The following GATAD2A variants were observed in gnomAD, a reference collection of about 807,000 sequenced individuals.
GATAD2A encodes GATA zinc finger domain containing 2A.
A neutral mutation model predicts 68.5 loss-of-function variants in GATAD2A; 12 were observed. That is an observed-to-expected ratio of 0.18 (90% CI 0.11 to 0.28). The LOEUF (loss-of-function observed/expected upper bound fraction) is 0.28, where lower values mean the gene tolerates loss of function less well. Ranked by LOEUF, GATAD2A falls within the 10% of genes least tolerant of loss-of-function variation. The probability of loss-of-function intolerance (pLI) is 1.00; values close to 1 mark genes in which losing one functional copy is unlikely to be tolerated. For missense variants in GATAD2A, 755 were observed against 868.5 expected, an observed-to-expected ratio of 0.87 and a Z score of 1.64; for synonymous variants, 410 against 375.3, an observed-to-expected ratio of 1.09 and a Z score of -1.07.
chr19:19,426,905 CAG>C (rs1446020747), intron 1 of GATAD2A, among the ~76,000 whole-genome samples: 2 of 152,200 alleles, frequency 1.3e-5, no homozygotes, highest in Non-Finnish European at 2.9e-5. Context: ...AGCTGGGGAG[CAG>C]AGTTTCAGAA....
chr19:19,473,933 G>A (rs930028261), intron 2 of GATAD2A: 2 of 515,558 alleles, frequency 3.9e-6, no homozygotes, highest in Non-Finnish European at 5.0e-6. Flanking sequence ...GCGACAGAGC[G>A]AGACTCCGTC....
chr19:19,422,193 A>T (rs1387356676), intron 1 of GATAD2A, among the ~76,000 whole-genome samples: 1 of 152,206 alleles, frequency 6.6e-6, no homozygotes, highest in Non-Finnish European at 1.5e-5. Flanking sequence ...CAGCATTTTC[A>T]TACTGAAGCC....
chr19:19,422,736 G>T (rs2052571680), intron 1 of GATAD2A, among the ~76,000 whole-genome samples: 1 of 150,296 alleles, frequency 6.7e-6, no homozygotes, highest in South Asian at 2.1e-4. Context: ...TTTTGAGATG[G>T]AGTCTGGCTC....
At chr19:19,498,955 G>A (rs898521880) in intron 8 of GATAD2A, among the ~76,000 whole-genome samples, 18 of 152,262 alleles carry the variant, frequency 1.2e-4, no homozygotes, top group South Asian at 2.1e-4. Context: ...GGGACGGGCA[G>A]TAGTGGCCTC....
intron 2 of GATAD2A, among the ~76,000 whole-genome samples, chr19:19,486,331 C>T (rs1298955444): frequency 1.3e-5 from 2 of 152,210 alleles, no homozygotes; most frequent in African/African-American, 2.4e-5. Flanking sequence ...TGTTGGGGAC[C>T]CCAGGAAGTA....
Position 19,492,645 on chromosome 19 carries a change from A to G in GATAD2A, c.467A>G (p.Glu156Gly), listed in dbSNP as rs2059877449. 6.2e-7 allele frequency: 1 copy of G among 1,614,170 alleles called. No homozygotes were observed. Among genetic ancestry groups the G allele is most frequent in the Non-Finnish European group, 8.5e-7 (1 of 1,179,988 alleles). The change falls in exon 4 of 12, where the codon GAA becomes GGA. Residue 156 changes from glutamate to glycine, a missense_variant. Coordinates refer to ENST00000683918, the MANE Select transcript of GATAD2A (RefSeq NM_001384528.1). ...KQLKEELRLE[E>G]AKLVLLKKLR... ...CTGAAGGAAGAATTGAGGTTAGAAG[A>G]AGCAAAACTCGTGTTGTTGAAAAAG...
intron 1 of GATAD2A, chr19:19,429,310 T>C: frequency 1.3e-6 from 1 of 787,710 alleles, no homozygotes; most frequent in African/African-American, 1.9e-5. Flanking sequence ...GGGTGGGAGC[T>C]AGGAGGGGCT....
intron 1 of GATAD2A, among the ~76,000 whole-genome samples, chr19:19,392,626 G>T (rs575938274): frequency 6.6e-6 from 1 of 151,390 alleles, no homozygotes; most frequent in South Asian, 2.1e-4. Flanking sequence ...CCCTGACCTC[G>T]TGATCCACCT....
intron 1 of GATAD2A, among the ~76,000 whole-genome samples, chr19:19,450,274 A>G (rs922728458): frequency 1.2e-4 from 18 of 152,226 alleles, no homozygotes; most frequent in African/African-American, 4.3e-4. Context: ...ATTCAGCAGC[A>G]CAGTGCTGGG....
chr19:19,475,334 A>G (rs1025202790), intron 2 of GATAD2A, among the ~76,000 whole-genome samples: 1 of 152,198 alleles, frequency 6.6e-6, no homozygotes, highest in Non-Finnish European at 1.5e-5. Flanking sequence ...GCAGGGATTG[A>G]ACCCCTAAAT....
At chr19:19,501,933 C>T in intron 9 of GATAD2A, 36 bp from the exon 10 acceptor site, 2 of 1,563,638 alleles carry the variant, frequency 1.3e-6, no homozygotes, top group Non-Finnish European at 8.8e-7. Context: ...GGCCAGCGGA[C>T]CGCACTGACT....
intron 1 of GATAD2A, among the ~76,000 whole-genome samples, chr19:19,442,280 G>C (rs1001188577): frequency 2.6e-5 from 4 of 152,208 alleles, no homozygotes; most frequent in Non-Finnish European, 1.5e-5. Context: ...TGGCACAGAT[G>C]GGGCAAGCGA....
intron 1 of GATAD2A, among the ~76,000 whole-genome samples, chr19:19,414,101 G>C (rs2051287852): frequency 6.6e-6 from 1 of 152,166 alleles, no homozygotes; most frequent in African/African-American, 2.4e-5. Context: ...GGTAGGAGTT[G>C]CCTGGTCTGC....
chr19:19,439,064 A>G (rs1281758227), intron 1 of GATAD2A, among the ~76,000 whole-genome samples: 4 of 152,252 alleles, frequency 2.6e-5, no homozygotes, highest in African/African-American at 9.6e-5. Flanking sequence ...ACCCAGGACC[A>G]CATGAGCACA....
chr19:19,401,613 C>G (rs1227222964), upstream of GATAD2A, among the ~76,000 whole-genome samples: 2 of 151,924 alleles, frequency 1.3e-5, no homozygotes, highest in African/African-American at 4.8e-5. Context: ...TGCCTGTAGG[C>G]TTCTTGGGCT....
rs960787324 is a variant in GATAD2A at position 19,507,989 on chromosome 19, T to G, written c.*2515T>G. On this transcript the variant is annotated 3_prime_UTR_variant, in exon 12 of 12. Transcript: ENST00000683918. ...GCACCAGGATAGCTATTGATTAATG[T>G]TAAGGGTGTTCTACCCACAGCAAAG... 1 of 152,174 alleles carries G rather than the reference T, an allele frequency of 6.6e-6. No homozygotes were observed. Among genetic ancestry groups the G allele is most frequent in the African/African-American group, 2.4e-5 (1 of 41,426 alleles). 9.4% of individuals were successfully genotyped at this position (152,174 alleles called of 1,614,324 possible). A position where few individuals can be genotyped will look rare whatever the true frequency, so the allele number is the denominator to read the frequency against.
intron 1 of GATAD2A, among the ~76,000 whole-genome samples, chr19:19,430,711 G>C (rs559460071): frequency 1.3e-5 from 2 of 152,262 alleles, no homozygotes; most frequent in African/African-American, 4.8e-5. Flanking sequence ...CACCATCACT[G>C]TACCAGCCAT....
chr19:19,502,767 C>A (rs964305743), intron 11 of GATAD2A, among the ~76,000 whole-genome samples: 1 of 152,226 alleles, frequency 6.6e-6, no homozygotes, highest in Non-Finnish European at 1.5e-5. Flanking sequence ...AGTCTTTGAC[C>A]GACAAAACAT....
At chr19:19,474,155 G>T (rs1363926995) in intron 2 of GATAD2A, 1 of 985,172 alleles carries the variant, frequency 1.0e-6, no homozygotes, top group Admixed American at 6.1e-5. Flanking sequence ...TGTCTCTGAG[G>T]ATCACGGATA....
Sources: allele counts gnomAD v4.1 joint callset (sites outside exome capture counted in the v4.1 genomes callset), GRCh38; gene constraint gnomAD v4.1.1; transcripts MANE v1.5; gene names NCBI Gene and HGNC (gene_info 2026-07-23, HGNC 2026-07-21).